TMPRSS9: variants seen among roughly 807,000 people sequenced by gnomAD.
TMPRSS9 encodes the protein transmembrane protease serine 9.
A neutral mutation model predicts 111.4 loss-of-function variants in TMPRSS9; 113 were observed. The ratio of observed to expected loss-of-function variants is 1.01; its 90% CI spans 0.87 to 1.19. TMPRSS9 has a LOEUF of 1.19. Ranked by LOEUF, TMPRSS9 falls within the 50% of genes most tolerant of loss-of-function variation. The pLI, the probability that TMPRSS9 is intolerant of heterozygous loss-of-function variation, is 0.00. For missense variants in TMPRSS9, 1,803 were observed against 1,513.1 expected (o/e 1.19, Z -3.18); for synonymous variants, 805 against 659.1 (o/e 1.22, Z -3.39).
chr19:2,387,324 CT>C (rs1275335828), upstream of TMPRSS9, among the ~76,000 whole-genome samples: 1 of 152,010 alleles, frequency 6.6e-6, no homozygotes. Context: ...GCAAAACCCC[CT>C]CTCTACTAAA....
chr19:2,391,740 C>CTTTT (rs111240493), intron 1 of TMPRSS9, among the ~76,000 whole-genome samples: 5 of 132,962 alleles, frequency 3.8e-5, no homozygotes, highest in Non-Finnish European at 6.2e-5. Flanking sequence ...GAAAGGAAGT[C>CTTTT]TTTTTTTTTT....
intron 1 of TMPRSS9, among the ~76,000 whole-genome samples, chr19:2,393,453 T>C (rs1186552816): frequency 1.3e-5 from 2 of 151,970 alleles, no homozygotes; most frequent in African/African-American, 4.8e-5. Context: ...CATCCGAACA[T>C]CAGCAAGAAC....
chr19:2,377,823 C>T (rs1970352236), intron 1 of TMPRSS9, among the ~76,000 whole-genome samples: 2 of 145,112 alleles, frequency 1.4e-5, no homozygotes, highest in South Asian at 4.6e-4. Flanking sequence ...AGTGATCCTC[C>T]TGCCTCAGCC....
chr19:2,369,153 G>A (rs1391288270), intron 1 of TMPRSS9, among the ~76,000 whole-genome samples: 1 of 151,990 alleles, frequency 6.6e-6, no homozygotes, highest in East Asian at 1.9e-4. Context: ...GTTTCACCAT[G>A]TTGGCCATGC....
intron 1 of TMPRSS9, among the ~76,000 whole-genome samples, chr19:2,383,106 C>T (rs142876729): frequency 3.3e-5 from 5 of 152,284 alleles, no homozygotes; most frequent in Middle Eastern, 3.4e-3. Context: ...GTAATCTCAG[C>T]ACTTTGGGAG....
chr19:2,380,497 A>C (rs1394105140), intron 1 of TMPRSS9, among the ~76,000 whole-genome samples: 1 of 151,408 alleles, frequency 6.6e-6, no homozygotes. Context: ...GCTACTGGGG[A>C]AGCTGAGGCA....
intron 1 of TMPRSS9, 97 bp from the exon 3 acceptor site, chr19:2,396,442 T>G (rs1970708608): frequency 1.4e-6 from 2 of 1,401,670 alleles, no homozygotes; most frequent in Non-Finnish European, 1.9e-6. Flanking sequence ...ACCACCAGGG[T>G]GTGTGAGTGC....
chr19:2,404,856 C>T (rs868467781), intron 6 of TMPRSS9, among the ~76,000 whole-genome samples: 9 of 147,492 alleles, frequency 6.1e-5, no homozygotes, highest in Non-Finnish European at 1.0e-4. Context: ...CCCTTGAACC[C>T]GGGAGGCAGA....
chr19:2,408,320 C>A (rs1792257852), intron 7 of TMPRSS9, 36 bp from the exon 9 acceptor site: 2 of 1,599,446 alleles, frequency 1.3e-6, no homozygotes, highest in Non-Finnish European at 1.7e-6. Context: ...CGGCTCTGAC[C>A]CTCGGTGGCT....
At chr19:2,409,533 T>G (rs1205981789) in intron 8 of TMPRSS9, among the ~76,000 whole-genome samples, 1 of 151,894 alleles carries the variant, frequency 6.6e-6, no homozygotes, top group African/African-American at 2.4e-5. Context: ...TCCAGGGGGT[T>G]GTCAATCAGC....
At chr19:2,374,248 CTTTTTTTTTTTTTTTTTTT>C (rs1027376774) in intron 1 of TMPRSS9, among the ~76,000 whole-genome samples, 10,000 of 70,650 alleles carry the variant, frequency 0.14, 665 homozygotes, top group Non-Finnish European at 0.19. Context: ...TCTCAACAAT[CTTTTTTTTTTTTTTTTTTT>C]TTTTTTTTTT....
chr19:2,419,496 C>T (rs140229824), intron 13 of TMPRSS9, among the ~76,000 whole-genome samples: 194 of 148,252 alleles, frequency 1.3e-3, no homozygotes, highest in East Asian at 3.9e-3. Flanking sequence ...GCCACTGTAC[C>T]CAGCCTAGAT....
chr19:2,425,327 A>ACCCGC, intron 16 of TMPRSS9, 30 bp from the exon 18 acceptor site: 1 of 1,380,478 alleles, frequency 7.2e-7, no homozygotes, highest in Non-Finnish European at 9.4e-7. Context: ...CGCGGTCCCC[A>ACCCGC]CCCGCCCCGT....
At chr19:2,391,311 G>A (rs913428863) in intron 1 of TMPRSS9, among the ~76,000 whole-genome samples, 19 of 144,266 alleles carry the variant, frequency 1.3e-4, no homozygotes, top group Non-Finnish European at 9.0e-5. Flanking sequence ...GGGGAGAAAT[G>A]CTCTCGTGTG....
chr19:2,365,538 A>G (rs575073390), intron 1 of TMPRSS9, among the ~76,000 whole-genome samples: 1 of 152,248 alleles, frequency 6.6e-6, no homozygotes, highest in African/African-American at 2.4e-5. Flanking sequence ...CCGTGGGACC[A>G]AAGATGCGGA....
chr19:2,382,741 GCACACATC>G (rs1970401551), intron 1 of TMPRSS9, among the ~76,000 whole-genome samples: 1 of 150,374 alleles, frequency 6.7e-6, no homozygotes. Flanking sequence ...ACGCACAAAC[GCACACATC>G]CACACATACA....
rs1314300368 is a variant in TMPRSS9, at chr19:2,422,365, G to A, written c.2548+118G>A. 3.2e-6 allele frequency: 4 copies of A among 1,257,490 alleles called. No homozygotes were observed. The East Asian group carries it at 1.1e-4, about 34-fold the overall frequency. 77.9% of individuals were successfully genotyped at this position (1,257,490 alleles called of 1,614,324 possible). A position where few individuals can be genotyped will look rare whatever the true frequency, so the allele number is the denominator to read the frequency against. On this transcript the variant is annotated intron_variant, in intron 14 of 17. Transcript: ENST00000648592. The stretch of plus-strand genomic sequence containing the variant: ...GAGGCCGAGGCGGGCGGATCAAGAG[G>A]TCAGGAGATCGAGACCATCCTGGCG...
intron 1 of TMPRSS9, among the ~76,000 whole-genome samples, chr19:2,369,509 C>T (rs1970272958): frequency 6.6e-6 from 1 of 152,170 alleles, no homozygotes; most frequent in East Asian, 1.9e-4. Flanking sequence ...ACTGCAGCCT[C>T]AACCTCCTGG....
At chr19:2,399,774 A>G (rs559699299) in intron 4 of TMPRSS9, among the ~76,000 whole-genome samples, 213 of 151,946 alleles carry the variant, frequency 1.4e-3, no homozygotes, top group African/African-American at 5.0e-3. Context: ...CTGGAGTGCA[A>G]TAATGAAGTC....
Sources: allele counts gnomAD v4.1 joint callset (sites outside exome capture counted in the v4.1 genomes callset), GRCh38; gene constraint gnomAD v4.1.1; transcripts MANE v1.5; gene names NCBI Gene and HGNC (gene_info 2026-07-23, HGNC 2026-07-21).